Variants in GNG7 observed in about 807,000 individuals in gnomAD.
The protein encoded by GNG7 is guanine nucleotide-binding protein G(I)/G(S)/G(O) subunit gamma-7.
A neutral mutation model predicts 4.0 loss-of-function variants in GNG7; 1 was observed. The observed-to-expected ratio is 0.25, with a 90% CI of 0.09 to 1.18. The LOEUF is 1.18. GNG7 is among the 50% of genes most tolerant of loss of function. The pLI is 0.50. For synonymous variants in GNG7, 34 were observed against 36.9 expected (o/e 0.92, Z 0.29); for missense variants, 86 against 91.9 (o/e 0.94, Z 0.26).
chr19:2,641,154 C>A (rs535094851), intron 2 of GNG7, among the ~76,000 whole-genome samples: 1 of 152,270 alleles, frequency 6.6e-6, no homozygotes, highest in Admixed American at 6.5e-5. Context: ...GCCAGAGTTG[C>A]GCCCGGCAGA....
intron 2 of GNG7, among the ~76,000 whole-genome samples, chr19:2,577,411 G>C (rs1027486336): frequency 7.2e-5 from 11 of 152,104 alleles, no homozygotes; most frequent in Non-Finnish European, 1.2e-4. Flanking sequence ...TTGCCTGGGG[G>C]ACACTCCCAG....
chr19:2,678,238 G>A (rs1475451287), intron 1 of GNG7, among the ~76,000 whole-genome samples: 1 of 152,122 alleles, frequency 6.6e-6, no homozygotes, highest in African/African-American at 2.4e-5. Flanking sequence ...TCCATCTCAG[G>A]GCACATGCTA....
At chr19:2,647,221 A>AGGCAGCAGG (rs375222348) in intron 1 of GNG7, among the ~76,000 whole-genome samples, 1,643 of 152,240 alleles carry the variant, frequency 0.011, 26 homozygotes, top group African/African-American at 0.038. Flanking sequence ...GGCATGGGTC[A>AGGCAGCAGG]GGCAGCAGGG....
At chr19:2,689,313 G>T (rs1172092726) in intron 1 of GNG7, among the ~76,000 whole-genome samples, 1 of 151,746 alleles carries the variant, frequency 6.6e-6, no homozygotes, top group East Asian at 1.9e-4. Flanking sequence ...TCATTATGGA[G>T]GCTACAGGAA....
At chr19:2,655,859 A>AT (rs1184181259) in intron 1 of GNG7, among the ~76,000 whole-genome samples, 18 of 133,692 alleles carry the variant, frequency 1.3e-4, no homozygotes, top group African/African-American at 5.6e-4. Flanking sequence ...AAAAAAAAAA[A>AT]ATACATATAT....
At chr19:2,632,429 CA>C (rs554194902) in intron 2 of GNG7, 7,350 of 82,954 alleles carry the variant, frequency 0.089, 701 homozygotes, top group African/African-American at 0.26. Context: ...AACTCCATCT[CA>C]AAAAAAAAAA....
intron 2 of GNG7, among the ~76,000 whole-genome samples, chr19:2,556,433 C>A (rs1979546544): frequency 6.6e-6 from 1 of 152,112 alleles, no homozygotes; most frequent in Admixed American, 6.5e-5. Context: ...CTGAAGGGCC[C>A]CTGTGGTCTC....
rs1599417559 is a variant in GNG7, at chr19:2,605,412, A to AT, written c.-78+40811_-78+40812insA. Among the ~76,000 whole-genome samples the AT allele has an allele frequency of 2.0e-5, 3 of 146,700 alleles. No individual in the cohort carries two copies. The East Asian group carries it at 6.1e-4, about 30-fold the overall frequency. ...CGGGGTTTCACCATGTTGGCCAAAC[A>AT]GGTCTCAAACTTGTGGCCTCAAGTG... On this transcript the variant is annotated intron_variant, in intron 2 of 4. Coordinates refer to ENST00000382159, the MANE Select transcript of GNG7 (RefSeq NM_052847.3).
At position 2,512,096 on chromosome 19, in the gene GNG7, G is replaced by T; in HGVS notation, c.*2926C>A. On this transcript the variant is annotated 3_prime_UTR_variant, in exon 5 of 5. Coordinates refer to ENST00000382159, the MANE Select transcript of GNG7 (RefSeq NM_052847.3). This position sits in a 1 kb window ranked among gnomAD's most constrained non-coding sequence, Gnocchi z 4.7. ...GCTGCCTTGTGTGTGTGCGTGGGTG[G>T]GGGTGAGTGTCCTTAACTCTCTTTT... 1 of 985,900 alleles carries T rather than the reference G, an allele frequency of 1.0e-6. No individual in the cohort carries two copies. Among genetic ancestry groups the T allele is most frequent in the Non-Finnish European group, 1.2e-6 (1 of 829,956 alleles). The allele number at this position is 985,900 out of a possible 1,614,324, so 61.1% of individuals were successfully genotyped here. A position where few individuals can be genotyped will look rare whatever the true frequency, so the allele number is the denominator to read the frequency against.
chr19:2,575,784 GACACGCAGGCACACACAGACATGCAGAC>G (rs1980307981), intron 2 of GNG7, among the ~76,000 whole-genome samples: 2 of 107,608 alleles, frequency 1.9e-5, no homozygotes, highest in South Asian at 2.8e-4. Context: ...GGCACATGCA[GACACGCAGGCACACACAGACATGCAGAC>G]ACACGCAGGC....
At chr19:2,616,061 G>C (rs939429060) in intron 2 of GNG7, among the ~76,000 whole-genome samples, 1 of 152,180 alleles carries the variant, frequency 6.6e-6, no homozygotes, top group Non-Finnish European at 1.5e-5. Context: ...ACACCCAGTA[G>C]CCAGTGGCCC....
intron 2 of GNG7, among the ~76,000 whole-genome samples, chr19:2,585,980 G>A (rs143121949): frequency 0.011 from 1,716 of 152,314 alleles, 39 homozygotes; most frequent in African/African-American, 0.039. Flanking sequence ...GATTACAGGC[G>A]TGAACCGCCG....
At chr19:2,694,866 C>A (rs75724939) in intron 1 of GNG7, among the ~76,000 whole-genome samples, 4,630 of 151,942 alleles carry the variant, frequency 0.03, 253 homozygotes, top group African/African-American at 0.1. Context: ...AGGCCAGGGA[C>A]GCTGCTCGGC....
intron 1 of GNG7, among the ~76,000 whole-genome samples, chr19:2,660,821 G>T (rs1264806812): frequency 6.6e-6 from 1 of 151,786 alleles, no homozygotes; most frequent in Non-Finnish European, 1.5e-5. Context: ...AGTGACTTTT[G>T]CTTGTTCTTT....
At position 2,702,689 on chromosome 19, in the gene GNG7, G is replaced by GA. The variant is rs1169831799; in HGVS notation, c.-179dup. ...GCCGCCTCAGCCCCGCCGCGCAGCC[G>GA]AACCCTCCGCCCCGGCCCGCGAGCG... On this transcript the variant is annotated 5_prime_UTR_variant, in exon 1 of 5. Coordinates refer to ENST00000382159, the MANE Select transcript of GNG7 (RefSeq NM_052847.3). The GA allele has an allele frequency of 6.6e-6, 1 of 151,016 alleles. No individual in the cohort carries two copies. Among genetic ancestry groups the GA allele is most frequent in the African/African-American group, 2.4e-5 (1 of 41,260 alleles). The allele number at this position is 151,016 out of a possible 1,614,324, so 9.4% of individuals were successfully genotyped here. A position where few individuals can be genotyped will look rare whatever the true frequency, so the allele number is the denominator to read the frequency against.
chr19:2,567,036 C>G (rs983595878), intron 2 of GNG7, among the ~76,000 whole-genome samples: 11 of 149,770 alleles, frequency 7.3e-5, no homozygotes, highest in Middle Eastern at 3.2e-3. Flanking sequence ...ATCCGGGAGG[C>G]GGAGCTTGCA....
At chr19:2,639,910 A>G (rs1489763944) in intron 2 of GNG7, among the ~76,000 whole-genome samples, 29 of 45,318 alleles carry the variant, frequency 6.4e-4, no homozygotes, top group Non-Finnish European at 7.8e-4. Flanking sequence ...AGGGAGGGAG[A>G]AAGGAAGGAG....
chr19:2,693,079 T>A (rs1913171135), intron 1 of GNG7, among the ~76,000 whole-genome samples: 1 of 151,112 alleles, frequency 6.6e-6, no homozygotes, highest in African/African-American at 2.4e-5. Context: ...TCACTTGAGC[T>A]CAGGGGTTCA....
At chr19:2,623,322 G>A (rs1200662260) in intron 2 of GNG7, among the ~76,000 whole-genome samples, 3 of 150,948 alleles carry the variant, frequency 2.0e-5, no homozygotes, top group African/African-American at 7.3e-5. Context: ...CAGGTCTCAA[G>A]AAAACAAATA....
Sources: allele counts gnomAD v4.1 joint callset (sites outside exome capture counted in the v4.1 genomes callset), GRCh38; gene constraint gnomAD v4.1.1; non-coding constraint Gnocchi (gnomAD v3.1); transcripts MANE v1.5; gene names NCBI Gene and HGNC (gene_info 2026-07-23, HGNC 2026-07-21).